OR4A16: variants seen among roughly 807,000 people sequenced by gnomAD.
OR4A16 encodes olfactory receptor family 4 subfamily A member 16.
For missense variants in OR4A16, 594 were observed against 390.9 expected (o/e 1.52, Z -4.38); for synonymous variants, 210 against 138.6 (o/e 1.51, Z -3.62).
Position 55,343,924 on chromosome 11 carries a change from A to G in OR4A16, c.724A>G (p.Ile242Val), listed in dbSNP as rs1853468383. The part of the protein sequence containing the change: ...HKALPTCISH[I>V]IVVALVFVPC... ...AGCCCTGCCTACCTGCATCTCCCAC[A>G]TCATTGTGGTTGCCCTCGTTTTTGT... The change falls in exon 1 of 1, where the codon ATC becomes GTC. Residue 242 changes from isoleucine (I) to valine (V), a missense_variant. By Grantham distance (29) the Ile-to-Val change is conservative. Transcript: ENST00000314721. The G allele has an allele frequency of 6.2e-7, 1 of 1,613,708 alleles. No homozygotes were observed. The highest frequency in any genetic ancestry group is 8.5e-7 in the Non-Finnish European group (1 of 1,179,900).
At position 55,343,549 on chromosome 11, in the gene OR4A16, G is replaced by C. The variant is rs145913777; in HGVS notation, c.349G>C (p.Ala117Pro). ...AGAGGTCTTCCTTTTGGTGGTGATG[G>C]CCTATGATCGCTATGTGGCTATCTC... is the stretch of plus-strand genomic sequence containing the variant. ...GAEVFLLVVM[A>P]YDRYVAISKP... The change falls in exon 1 of 1, where the codon GCC becomes CCC. Residue 117 changes from alanine (A) to proline (P), a missense_variant. Ala to Pro is a conservative substitution (Grantham distance 27). Transcript: ENST00000314721. 2.0e-5 allele frequency: 32 copies of C among 1,613,794 alleles called. No individual in the cohort carries two copies. The highest frequency in any genetic ancestry group is 2.7e-5 in the Non-Finnish European group (32 of 1,179,902).
In OR4A16 at chr11:55,343,422, C is replaced by A; in HGVS notation, c.222C>A (p.Ala74=). 1 of 1,613,880 alleles carries A rather than the reference C, an allele frequency of 6.2e-7. No individual in the cohort carries two copies. Residue 74 remains alanine, a synonymous_variant, in exon 1 of 1, where the codon GCC becomes GCA. Transcript: ENST00000314721. ...TTATGGATGCCATATATTCCACTGC[C>A]ATGTCACCCAAATTGATGATAGACT... ...LSLMDAIYST[A]MSPKLMIDLL...
chr11:55,344,103 T>C lies in OR4A16; in HGVS notation c.903T>C (p.Cys301=). ...EMKNAMKNLW[C]EKLSIVRKRV... ...AAAATGCTATGAAAAATCTCTGGTG[T>C]GAAAAGTTAAGTATAGTTAGAAAAA... Residue 301 remains cysteine, a synonymous_variant, in exon 1 of 1, where the codon TGT becomes TGC. Coordinates refer to ENST00000314721, the MANE Select transcript of OR4A16 (RefSeq NM_001005274.1). 6.2e-7 allele frequency: 1 copy of C among 1,610,432 alleles called. No individual in the cohort carries two copies. Among genetic ancestry groups the C allele is most frequent in the Non-Finnish European group, 8.5e-7 (1 of 1,178,438 alleles).
In OR4A16 at chr11:55,344,073, G is replaced by C. The variant is rs1853472995; in HGVS notation, c.873G>C (p.Glu291Asp). Residue 291 changes from glutamate to aspartate, a missense_variant, in exon 1 of 1, where the codon GAG (glutamate) becomes GAC (aspartate). By Grantham distance (45) the Glu-to-Asp change is conservative (BLOSUM62 2). Transcript: ENST00000314721. ...NPLIYSLRQS[E>D]MKNAMKNLWC... ...TAATATACTCGTTGAGACAATCAGA[G>C]ATGAAAAATGCTATGAAAAATCTCT... The C allele has an allele frequency of 6.2e-7, 1 of 1,612,328 alleles. No homozygotes were observed. Among genetic ancestry groups the C allele is most frequent in the African/African-American group, 1.3e-5 (1 of 74,978 alleles).
In OR4A16 at chr11:55,344,076, G is replaced by GA. The variant is rs775605802; in HGVS notation, c.881dup (p.Asn294LysfsTer9). ...TATACTCGTTGAGACAATCAGAGAT[G>GA]AAAAATGCTATGAAAAATCTCTGGT... On this transcript the variant is annotated frameshift_variant, in exon 1 of 1. Transcript: ENST00000314721. LOFTEE classifies it low-confidence loss of function (END_TRUNC). 9 of 1,611,750 alleles carry GA rather than the reference G, an allele frequency of 5.6e-6. No individual in the cohort carries two copies. In the African/African-American group the frequency reaches 9.3e-5, roughly 17 times the overall value.
chr11:55,344,034 C>G lies in OR4A16; in HGVS notation c.834C>G (p.Leu278=). The change falls in exon 1 of 1, where the codon CTC becomes CTG. Residue 278 remains leucine (L), a synonymous_variant. Transcript: ENST00000314721. ...CTGTGTTTTATTCAATTATCACACT[C>G]ATGTTGAATCCTTTAATATACTCGT... ...LMTVFYSIIT[L]MLNPLIYSLR... is the part of the protein sequence containing the mutation. 1 of 1,612,326 alleles carries G rather than the reference C, an allele frequency of 6.2e-7. No individual in the cohort carries two copies.
chr11:55,344,024 T>A lies in OR4A16; in HGVS notation c.824T>A (p.Ile275Asn). 1.2e-6 allele frequency: 2 copies of A among 1,612,482 alleles called. No individual in the cohort carries two copies. The highest frequency in any genetic ancestry group is 1.7e-6 in the Non-Finnish European group (2 of 1,178,806). The stretch of plus-strand genomic sequence containing the variant: ...AAATTAATGACTGTGTTTTATTCAA[T>A]TATCACACTCATGTTGAATCCTTTA... ...FDKLMTVFYSIITLMLNPLIY... is the reference protein window; with the variant it reads ...FDKLMTVFYSNITLMLNPLIY... Residue 275 changes from isoleucine to asparagine, a missense_variant, in exon 1 of 1, where the codon ATT becomes AAT. Ile to Asn is a moderately radical substitution (Grantham distance 149). Coordinates refer to ENST00000314721, the MANE Select transcript of OR4A16 (RefSeq NM_001005274.1).
Position 55,343,395 on chromosome 11 carries a change from A to T in OR4A16, c.195A>T (p.Ser65=). 1 of 1,613,844 alleles carries T rather than the reference A, an allele frequency of 6.2e-7. No homozygotes were observed. The highest frequency in any genetic ancestry group is 8.5e-7 in the Non-Finnish European group (1 of 1,179,850). The change falls in exon 1 of 1, where the codon TCA becomes TCT. Residue 65 remains serine (S), a synonymous_variant. Coordinates refer to ENST00000314721, the MANE Select transcript of OR4A16 (RefSeq NM_001005274.1). ...TGTACTTCTTCCTTGCCTACTTGTC[A>T]CTTATGGATGCCATATATTCCACTG... ...SLMYFFLAYL[S]LMDAIYSTAM...
rs200889979 is a variant in OR4A16 at position 55,343,369 on chromosome 11, A to C, written c.169A>C (p.Met57Leu). The C allele has an allele frequency of 2.7e-5, 43 of 1,602,342 alleles. No individual in the cohort carries two copies. Among genetic ancestry groups the C allele is most frequent in the African/African-American group, 8.0e-5 (6 of 74,636 alleles). ...TIGSPSLGSL[M>L]YFFLAYLSLM... ...TGGCAGCCCCTCCTTGGGCTCCCTA[A>C]TGTACTTCTTCCTTGCCTACTTGTC... is the stretch of plus-strand genomic sequence containing the variant. The change falls in exon 1 of 1, where the codon ATG (methionine) becomes CTG (leucine). Residue 57 changes from methionine (M) to leucine (L), a missense_variant. Coordinates refer to ENST00000314721, the MANE Select transcript of OR4A16 (RefSeq NM_001005274.1).
chr11:55,343,839 A>C lies in OR4A16; in HGVS notation c.639A>C (p.Leu213=). The C allele has an allele frequency of 2.5e-6, 4 of 1,613,808 alleles. No homozygotes were observed. Among genetic ancestry groups the C allele is most frequent in the Non-Finnish European group, 3.4e-6 (4 of 1,179,904 alleles). ...GTATGGTCATCTTTACCTTTCTGCT[A>C]ATCTCCTGTGGAGTCATCCTAAACT... is the stretch of plus-strand genomic sequence containing the variant. ...IICMVIFTFL[L]ISCGVILNFL... is the part of the protein sequence containing the mutation. Residue 213 remains leucine, a synonymous_variant, in exon 1 of 1, where the codon CTA becomes CTC. Transcript: ENST00000314721.
chr11:55,343,427 C>A lies in OR4A16; in HGVS notation c.227C>A (p.Ser76Ter), dbSNP rs116924453. ...GATGCCATATATTCCACTGCCATGT[C>A]ACCCAAATTGATGATAGACTTACTC... ...LMDAIYSTAM[S>*]PKLMIDLLCD... The change falls in exon 1 of 1, where the codon TCA becomes TAA. Residue 76 changes from serine to a stop codon, truncating the protein, a stop_gained. Coordinates refer to ENST00000314721, the MANE Select transcript of OR4A16 (RefSeq NM_001005274.1). LOFTEE classifies it low-confidence loss of function (END_TRUNC). The A allele has an allele frequency of 0.012, 19,235 of 1,552,728 alleles. No individual in the cohort carries two copies. The highest frequency in any genetic ancestry group is 0.034 in the African/African-American group (2,491 of 72,680).
In OR4A16 at chr11:55,343,610, TG is replaced by T. The variant is rs761091818; in HGVS notation, c.412del (p.Val138PhefsTer10). 1.7e-4 allele frequency: 277 copies of T among 1,601,504 alleles called. 1 individual carries two copies. Among genetic ancestry groups the T allele is most frequent in the South Asian group, 1.4e-4 (13 of 90,884 alleles). Reference sequence around the variant, plus strand: ...CACTATTTGAACATCATGAATCGACTGGTTTGCATCCTTCTGTTGGTGGTGG... The same window carrying T: ...CACTATTTGAACATCATGAATCGACTGTTTGCATCCTTCTGTTGGTGGTGG... ...PLHYLNIMNRLVCILLLVVAM... is the reference protein window; with the variant it reads ...PLHYLNIMNRXVCILLLVVAM... On this transcript the variant is annotated frameshift_variant, in exon 1 of 1. Coordinates refer to ENST00000314721, the MANE Select transcript of OR4A16 (RefSeq NM_001005274.1). LOFTEE classifies it low-confidence loss of function (END_TRUNC).
In OR4A16 at chr11:55,343,687, A is replaced by T; in HGVS notation, c.487A>T (p.Ser163Cys). The T allele has an allele frequency of 6.2e-7, 1 of 1,613,912 alleles. No homozygotes were observed. The highest frequency in any genetic ancestry group is 1.1e-5 in the South Asian group (1 of 91,074). The change falls in exon 1 of 1, where the codon AGT (serine) becomes TGT (cysteine). Residue 163 changes from serine (S) to cysteine (C), a missense_variant. Ser to Cys is a moderately radical substitution (Grantham distance 112). Coordinates refer to ENST00000314721, the MANE Select transcript of OR4A16 (RefSeq NM_001005274.1). The part of the protein sequence containing the change: ...HSVVQIVFLY[S>C]LPICGPNVID... ...TGTGGTTCAAATTGTCTTTCTGTAC[A>T]GTCTACCAATCTGTGGCCCCAATGT...
chr11:55,343,359 G>A lies in OR4A16; in HGVS notation c.159G>A (p.Leu53=), dbSNP rs1370599925. 1.2e-6 allele frequency: 2 copies of A among 1,613,642 alleles called. No individual in the cohort carries two copies. The highest frequency in any genetic ancestry group is 2.2e-5 in the South Asian group (2 of 91,068). ...TGACTACTATTGGCAGCCCCTCCTT[G>A]GGCTCCCTAATGTACTTCTTCCTTG... is the stretch of plus-strand genomic sequence containing the variant. ...IWVTTIGSPS[L]GSLMYFFLAY... The change falls in exon 1 of 1, where the codon TTG becomes TTA. Residue 53 remains leucine (L), a synonymous_variant. Coordinates refer to ENST00000314721, the MANE Select transcript of OR4A16 (RefSeq NM_001005274.1).
rs764807240 is a variant in OR4A16 at position 55,343,806 on chromosome 11, A to G, written c.606A>G (p.Gly202=). The G allele has an allele frequency of 1.2e-6, 2 of 1,613,822 alleles. No homozygotes were observed. Among genetic ancestry groups the G allele is most frequent in the Middle Eastern group, 1.7e-4 (1 of 6,034 alleles). ...FIGLTVVANG[G]IICMVIFTFL... ...GACTCACTGTGGTTGCCAATGGTGGAATAATTTGTATGGTCATCTTTACCT... is the reference window on the plus strand; with the variant it reads ...GACTCACTGTGGTTGCCAATGGTGGGATAATTTGTATGGTCATCTTTACCT... The change falls in exon 1 of 1, where the codon GGA becomes GGG. Residue 202 remains glycine (G), a synonymous_variant. Coordinates refer to ENST00000314721, the MANE Select transcript of OR4A16 (RefSeq NM_001005274.1).
Position 55,343,782 on chromosome 11 carries a change from A to G in OR4A16, c.582A>G (p.Gly194=), listed in dbSNP as rs75433926. The change falls in exon 1 of 1, where the codon GGA becomes GGG. Residue 194 remains glycine (G), a synonymous_variant. Transcript: ENST00000314721. ...TGTGCCTTGACACCTACTTTATAGG[A>G]CTCACTGTGGTTGCCAATGGTGGAA... ...ELLCLDTYFI[G]LTVVANGGII... 3 of 1,597,346 alleles carry G rather than the reference A, an allele frequency of 1.9e-6. No individual in the cohort carries two copies. The highest frequency in any genetic ancestry group is 3.4e-5 in the Admixed American group (2 of 59,068).
In OR4A16 at chr11:55,343,311, G is replaced by T; in HGVS notation, c.111G>T (p.Met37Ile). Residue 37 changes from methionine to isoleucine, a missense_variant, in exon 1 of 1, where the codon ATG becomes ATT. By Grantham distance (10) the Met-to-Ile change is conservative (BLOSUM62 1). Coordinates refer to ENST00000314721, the MANE Select transcript of OR4A16 (RefSeq NM_001005274.1). Reference sequence around the variant, plus strand: ...TTTTACTCATATACATTGTGACAATGGTGGGAAACCTCCTCATTTGGGTGA... The same window carrying T: ...TTTTACTCATATACATTGTGACAATTGTGGGAAACCTCCTCATTTGGGTGA... ...VMFLLIYIVTMVGNLLIWVTT... is the reference protein window; with the variant it reads ...VMFLLIYIVTIVGNLLIWVTT... 6.2e-7 allele frequency: 1 copy of T among 1,613,682 alleles called. No individual in the cohort carries two copies. The highest frequency in any genetic ancestry group is 8.5e-7 in the Non-Finnish European group (1 of 1,179,814).
Position 55,343,383 on chromosome 11 carries a change from T to G in OR4A16, c.183T>G (p.Leu61=). 1 of 1,613,898 alleles carries G rather than the reference T, an allele frequency of 6.2e-7. No individual in the cohort carries two copies. Among genetic ancestry groups the G allele is most frequent in the Non-Finnish European group, 8.5e-7 (1 of 1,179,872 alleles). Residue 61 remains leucine, a synonymous_variant, in exon 1 of 1, where the codon CTT becomes CTG. Transcript: ENST00000314721. ...PSLGSLMYFF[L]AYLSLMDAIY... The stretch of plus-strand genomic sequence containing the variant: ...TGGGCTCCCTAATGTACTTCTTCCT[T>G]GCCTACTTGTCACTTATGGATGCCA...
In OR4A16 at chr11:55,343,941, C is replaced by A. The variant is rs1346457574; in HGVS notation, c.741C>A (p.Leu247=). 1.9e-6 allele frequency: 3 copies of A among 1,613,772 alleles called. No homozygotes were observed. ...TCTCCCACATCATTGTGGTTGCCCTCGTTTTTGTTCCCTGTATTTTTATGT... is the reference window on the plus strand; with the variant it reads ...TCTCCCACATCATTGTGGTTGCCCTAGTTTTTGTTCCCTGTATTTTTATGT... ...TCISHIIVVA[L]VFVPCIFMYV... The change falls in exon 1 of 1, where the codon CTC becomes CTA. Residue 247 remains leucine, a synonymous_variant. Coordinates refer to ENST00000314721, the MANE Select transcript of OR4A16 (RefSeq NM_001005274.1).
Sources: gnomAD v4.1 joint callset for allele counts on GRCh38, gnomAD v4.1.1 for gene constraint, MANE v1.5 for transcripts, NCBI Gene and HGNC (gene_info 2026-07-23, HGNC 2026-07-21) for gene names.